MB21D2: variants seen among roughly 807,000 people sequenced by gnomAD.
MB21D2 encodes the protein Mab-21 domain containing 2, also known as nucleotidyltransferase MB21D2.
Under a neutral mutation model 33.3 loss-of-function variants are expected in MB21D2, and 9 were observed. The ratio of observed to expected loss-of-function variants is 0.27; its 90% confidence interval spans 0.16 to 0.47. The LOEUF (loss-of-function observed/expected upper bound fraction) is 0.47, where lower values mean the gene tolerates loss of function less well. Among genes scored for constraint, MB21D2 ranks in the 20% least tolerant of loss-of-function variants. The pLI is 0.99. For missense variants in MB21D2, 540 were observed against 624.6 expected (o/e 0.86, Z 1.44); for synonymous variants, 241 against 236.3 (o/e 1.02, Z -0.18).
chr3:192,804,063 T>G (rs186721383), intron 1 of MB21D2, among the ~76,000 whole-genome samples: 46 of 152,308 alleles, frequency 3.0e-4, no homozygotes, highest in Non-Finnish European at 8.8e-5. Flanking sequence ...AGTTTTTACT[T>G]AAGAATATCT....
intron 1 of MB21D2, among the ~76,000 whole-genome samples, chr3:192,827,513 T>C (rs922393425): frequency 3.3e-5 from 5 of 152,238 alleles, no homozygotes; most frequent in Middle Eastern, 3.4e-3. Flanking sequence ...GTACTCTACG[T>C]CCCAGCTTCT....
intron 1 of MB21D2, among the ~76,000 whole-genome samples, chr3:192,912,699 G>GA (rs1319703196): frequency 6.6e-6 from 1 of 152,002 alleles, no homozygotes; most frequent in Non-Finnish European, 1.5e-5. Flanking sequence ...AAGAAAAAAA[G>GA]AAATTATCTT....
chr3:192,902,246 G>T (rs781762751), intron 1 of MB21D2, among the ~76,000 whole-genome samples: 3 of 152,066 alleles, frequency 2.0e-5, no homozygotes, highest in Non-Finnish European at 4.4e-5. Context: ...CCTCACTTCT[G>T]TTCTTTTGCT....
chr3:192,895,537 T>A (rs1488508716), intron 1 of MB21D2, among the ~76,000 whole-genome samples: 1 of 152,254 alleles, frequency 6.6e-6, no homozygotes, highest in East Asian at 1.9e-4. Flanking sequence ...CCACTTGGGC[T>A]TGGTTTACAG....
At chr3:192,802,515 T>C (rs185138898) in intron 1 of MB21D2, among the ~76,000 whole-genome samples, 37 of 152,352 alleles carry the variant, frequency 2.4e-4, no homozygotes, top group African/African-American at 8.2e-4. Context: ...GTGTTTTCTT[T>C]TTTAAAGCCA....
In MB21D2 at chr3:192,917,794, C is replaced by A. The variant is rs532255830; in HGVS notation, c.47G>T (p.Cys16Phe). ...PTANKAASLG[C>F]NNKPAFPELD... is the part of the protein sequence containing the mutation. ...CTCCGGGAACGCAGGCTTGTTGTTACAGCCCAGGGAGGCTGCCTTGTTGGC... is the reference window on the plus strand; with the variant it reads ...CTCCGGGAACGCAGGCTTGTTGTTAAAGCCCAGGGAGGCTGCCTTGTTGGC... The change falls in exon 1 of 2, where the codon TGT becomes TTT. Residue 16 changes from cysteine (C) to phenylalanine (F), a missense_variant. By Grantham distance (205) the Cys-to-Phe change is radical. Transcript: ENST00000392452. 2 of 1,613,410 alleles carry A rather than the reference C, an allele frequency of 1.2e-6. No individual in the cohort carries two copies. Among genetic ancestry groups the A allele is most frequent in the Non-Finnish European group, 1.7e-6 (2 of 1,180,036 alleles).
intron 1 of MB21D2, among the ~76,000 whole-genome samples, chr3:192,900,643 T>C (rs1331643226): frequency 1.3e-5 from 2 of 151,920 alleles, no homozygotes; most frequent in African/African-American, 2.4e-5. Context: ...TATGGCCCCA[T>C]AGAAGACTTG....
chr3:192,827,955 A>C (rs190595340), intron 1 of MB21D2, among the ~76,000 whole-genome samples: 3 of 152,164 alleles, frequency 2.0e-5, no homozygotes, highest in Admixed American at 6.5e-5. Context: ...GGTTTCCCCC[A>C]TAATGTTCTC....
intron 1 of MB21D2, among the ~76,000 whole-genome samples, chr3:192,810,356 T>C (rs1287400963): frequency 6.6e-6 from 1 of 152,218 alleles, no homozygotes; most frequent in Non-Finnish European, 1.5e-5. Flanking sequence ...ATTACACATT[T>C]GAATTTGCTA....
intron 1 of MB21D2, among the ~76,000 whole-genome samples, chr3:192,826,324 A>T (rs1299878136): frequency 6.6e-6 from 1 of 152,212 alleles, no homozygotes; most frequent in Non-Finnish European, 1.5e-5. Context: ...GCCACTTAAT[A>T]CTGGATGACT....
At chr3:192,861,115 C>G (rs1037577736) in intron 1 of MB21D2, among the ~76,000 whole-genome samples, 1 of 152,188 alleles carries the variant, frequency 6.6e-6, no homozygotes, top group Non-Finnish European at 1.5e-5. Flanking sequence ...TTCTAACAAC[C>G]CTTCAAGTTG....
chr3:192,890,727 C>T (rs1404328144), intron 1 of MB21D2, among the ~76,000 whole-genome samples: 1 of 151,860 alleles, frequency 6.6e-6, no homozygotes, highest in Non-Finnish European at 1.5e-5. Context: ...TTGAAACAAA[C>T]AAATTTCGGC....
intron 1 of MB21D2, among the ~76,000 whole-genome samples, chr3:192,891,769 C>T (rs1487991176): frequency 2.0e-5 from 3 of 152,072 alleles, no homozygotes; most frequent in Admixed American, 6.5e-5. Flanking sequence ...TAAAATGTGT[C>T]GGCACAGACC....
At chr3:192,881,148 G>C (rs1713557593) in intron 1 of MB21D2, among the ~76,000 whole-genome samples, 1 of 151,902 alleles carries the variant, frequency 6.6e-6, no homozygotes, top group African/African-American at 2.4e-5. Context: ...TGCATTTTTT[G>C]GTAGCAAGTT....
At chr3:192,881,566 T>G (rs1350251398) in intron 1 of MB21D2, among the ~76,000 whole-genome samples, 1 of 152,138 alleles carries the variant, frequency 6.6e-6, no homozygotes, top group East Asian at 1.9e-4. Context: ...GTTTGAGCTG[T>G]CTACCAGTTA....
chr3:192,877,231 G>C (rs1713451301), intron 1 of MB21D2, among the ~76,000 whole-genome samples: 1 of 152,040 alleles, frequency 6.6e-6, no homozygotes, highest in Non-Finnish European at 1.5e-5. Flanking sequence ...GAAATTCCTG[G>C]AGATTACCAT....
At chr3:192,882,343 G>A (rs975912974) in intron 1 of MB21D2, among the ~76,000 whole-genome samples, 1 of 150,782 alleles carries the variant, frequency 6.6e-6, no homozygotes, top group Non-Finnish European at 1.5e-5. Context: ...CCAAAGTGCT[G>A]GGATTACAGG....
chr3:192,915,729 A>C (rs1347991272), intron 1 of MB21D2, among the ~76,000 whole-genome samples: 4 of 152,226 alleles, frequency 2.6e-5, no homozygotes, highest in Non-Finnish European at 5.9e-5. Context: ...TTTGGATAAA[A>C]GCTTTGCTGA....
At chr3:192,805,120 C>A (rs1711635957) in intron 1 of MB21D2, among the ~76,000 whole-genome samples, 1 of 152,184 alleles carries the variant, frequency 6.6e-6, no homozygotes, top group South Asian at 2.1e-4. Context: ...TCCTGATCTC[C>A]CCATGACAAT....
Sources: allele counts gnomAD v4.1 joint callset (sites outside exome capture counted in the v4.1 genomes callset), GRCh38; gene constraint gnomAD v4.1.1; transcripts MANE v1.5; gene names NCBI Gene and HGNC (gene_info 2026-07-23, HGNC 2026-07-21).